Variants in VWA8 observed in about 807,000 individuals in gnomAD.
The protein encoded by VWA8 is von Willebrand factor A domain-containing protein 8.
VWA8 carries 221 observed loss-of-function variants against 241.5 expected under a neutral mutation model. The ratio of observed to expected loss-of-function variants is 0.91; its 90% confidence interval spans 0.82 to 1.02. The LOEUF (loss-of-function observed/expected upper bound fraction) is 1.02, where lower values mean the gene tolerates loss of function less well. VWA8 is among the 50% of genes least tolerant of loss of function. The pLI is 0.00. For synonymous variants in VWA8, 852 were observed against 827.1 expected (o/e 1.03, Z -0.52); for missense variants, 2,322 against 2,328.7 (o/e 1.00, Z 0.06).
Position 41,690,188 on chromosome 13 carries a change from G to C in VWA8, c.3954C>G (p.Ser1318Arg). The change falls in exon 33 of 45, where the codon AGC becomes AGG. Residue 1318 changes from serine to arginine, a missense_variant. Physicochemically the swap from Ser to Arg is moderately radical, Grantham distance 110 (BLOSUM62 -1). Transcript: ENST00000379310. ...QLYVLKEEPP[S>R]TGFGVTQETE... ...TACCTTGTGTAACTCCAAACCCTGT[G>C]CTGGGCGGCTCCTCTTTCAGCACAT... 3 of 1,612,588 alleles carry C rather than the reference G, an allele frequency of 1.9e-6. No individual in the cohort carries two copies. The highest frequency in any genetic ancestry group is 3.3e-4 in the Middle Eastern group (2 of 6,048).
chr13:41,808,987 A>T (rs1164681827), intron 17 of VWA8, among the ~76,000 whole-genome samples: 1 of 152,038 alleles, frequency 6.6e-6, no homozygotes, highest in African/African-American at 2.4e-5. Flanking sequence ...AAAAAGAAAT[A>T]AAAAAAGTAA....
chr13:41,788,690 G>A (rs1346597061), intron 17 of VWA8, among the ~76,000 whole-genome samples: 1 of 151,992 alleles, frequency 6.6e-6, no homozygotes, highest in Non-Finnish European at 1.5e-5. Context: ...TGTTTCCTGA[G>A]CCCTTGTCTT....
intron 10 of VWA8, among the ~76,000 whole-genome samples, chr13:41,867,391 C>T (rs1332888180): frequency 6.6e-6 from 1 of 152,144 alleles, no homozygotes; most frequent in African/African-American, 2.4e-5. Context: ...CTAGATGAAC[C>T]ATTCATCTGA....
intron 37 of VWA8, among the ~76,000 whole-genome samples, chr13:41,633,176 A>AT (rs1482611430): frequency 6.6e-6 from 1 of 152,262 alleles, no homozygotes; most frequent in Non-Finnish European, 1.5e-5. Context: ...ACACATATAC[A>AT]TTTTTTGAAG....
intron 42 of VWA8, among the ~76,000 whole-genome samples, chr13:41,579,748 A>T (rs1392873134): frequency 6.6e-6 from 1 of 152,240 alleles, no homozygotes; most frequent in Non-Finnish European, 1.5e-5. Context: ...TCCTTATGTC[A>T]CAAATGCAGA....
Position 41,912,169 on chromosome 13 carries a change from C to T in VWA8, c.242-1G>A. 6.3e-7 allele frequency: 1 copy of T among 1,578,478 alleles called. No homozygotes were observed. ...ACAGATTGAGCCAGAGAGTCTGAAA[C>T]TATAAAGAAAAAAGAGAAAATGAAG... On this transcript the variant is annotated splice_acceptor_variant, in intron 2 of 44. Coordinates refer to ENST00000379310, the MANE Select transcript of VWA8 (RefSeq NM_015058.2). LOFTEE classifies it high-confidence loss of function.
intron 1 of VWA8, 137 bp downstream of exon 1, chr13:41,960,716 C>A: frequency 1.3e-5 from 17 of 1,284,458 alleles, no homozygotes; most frequent in Non-Finnish European, 7.1e-6. Context: ...GGACTAGAAC[C>A]TCAATCTTTC....
chr13:41,803,885 CAATTG>C (rs1566463771), intron 17 of VWA8, among the ~76,000 whole-genome samples: 1 of 152,042 alleles, frequency 6.6e-6, no homozygotes, highest in African/African-American at 2.4e-5. Context: ...CTGAAAAATT[CAATTG>C]AAATACTGAA....
At chr13:41,750,134 G>T (rs182364249) in intron 21 of VWA8, among the ~76,000 whole-genome samples, 7 of 152,170 alleles carry the variant, frequency 4.6e-5, no homozygotes, top group East Asian at 1.9e-4. Flanking sequence ...CACCATTCCA[G>T]ATCCCATTAA....
chr13:41,572,164 CGGGA>C (rs1187940636), intron 43 of VWA8, among the ~76,000 whole-genome samples: 1 of 151,328 alleles, frequency 6.6e-6, no homozygotes, highest in Admixed American at 6.6e-5. Flanking sequence ...CCGCCCCGTC[CGGGA>C]GGGAGGTGGG....
intron 9 of VWA8, among the ~76,000 whole-genome samples, chr13:41,882,677 G>C (rs570753860): frequency 6.6e-6 from 1 of 152,218 alleles, no homozygotes; most frequent in Non-Finnish European, 1.5e-5. Flanking sequence ...GGCGTCGCGC[G>C]CCTGCAATCG....
intron 14 of VWA8, among the ~76,000 whole-genome samples, chr13:41,825,060 AT>A (rs982924771): frequency 6.6e-6 from 1 of 152,176 alleles, no homozygotes; most frequent in African/African-American, 2.4e-5. Flanking sequence ...TTACTAGTCA[AT>A]TCATCTTCTG....
chr13:41,708,400 G>A (rs899737101), intron 26 of VWA8, among the ~76,000 whole-genome samples: 4 of 151,992 alleles, frequency 2.6e-5, no homozygotes, highest in African/African-American at 9.7e-5. Context: ...GAAAAAGCCA[G>A]CACATTAAAG....
At chr13:41,587,790 G>C in intron 41 of VWA8, 120 bp from the exon 42 acceptor site, 1 of 1,195,202 alleles carries the variant, frequency 8.4e-7, no homozygotes, top group Non-Finnish European at 1.2e-6. Context: ...CCAGCCATAG[G>C]CTCAGCCCTG....
At chr13:41,959,508 A>AAC (rs1555249217) in intron 1 of VWA8, among the ~76,000 whole-genome samples, 15 of 150,608 alleles carry the variant, frequency 1.0e-4, no homozygotes, top group African/African-American at 3.4e-4. Flanking sequence ...AAAAAAAAAA[A>AAC]AACAAAAAGT....
At chr13:41,859,212 A>G (rs1872897917) in intron 12 of VWA8, among the ~76,000 whole-genome samples, 1 of 152,218 alleles carries the variant, frequency 6.6e-6, no homozygotes, top group Non-Finnish European at 1.5e-5. Flanking sequence ...TCAAGGCAAA[A>G]ATAAGAGGCA....
At chr13:41,628,941 T>C (rs1449230072) in intron 37 of VWA8, among the ~76,000 whole-genome samples, 2 of 152,044 alleles carry the variant, frequency 1.3e-5, no homozygotes, top group African/African-American at 4.8e-5. Flanking sequence ...CTCGGGAGGC[T>C]GAGGGAGGAG....
intron 1 of VWA8, among the ~76,000 whole-genome samples, chr13:41,952,711 T>C (rs980353355): frequency 6.6e-6 from 1 of 152,094 alleles, no homozygotes; most frequent in African/African-American, 2.4e-5. Context: ...GGGCAGACTA[T>C]ACAAATTCAT....
chr13:41,703,342 T>A lies in VWA8; in HGVS notation c.3186A>T (p.Lys1062Asn). ...TIGQARSGMQ[K>N]LLCPVETHHI... ...GATGAGTTTCCACTGGACACAAGAG[T>A]TTTTGCATCCCACTTCTTGCCTGAC... The change falls in exon 27 of 45, where the codon AAA (lysine) becomes AAT (asparagine). Residue 1062 changes from lysine (K) to asparagine (N), a missense_variant. Lys to Asn is a moderately conservative substitution (Grantham distance 94). Coordinates refer to ENST00000379310, the MANE Select transcript of VWA8 (RefSeq NM_015058.2). The A allele has an allele frequency of 6.2e-7, 1 of 1,613,890 alleles. No homozygotes were observed. Among genetic ancestry groups the A allele is most frequent in the South Asian group, 1.1e-5 (1 of 91,064 alleles).
Sources: gnomAD v4.1 joint callset for allele counts (sites outside exome capture counted in the v4.1 genomes callset) on GRCh38, gnomAD v4.1.1 for gene constraint, MANE v1.5 for transcripts, NCBI Gene and HGNC (gene_info 2026-07-23, HGNC 2026-07-21) for gene names.